The following XRCC5 variants were observed in gnomAD, a reference collection of about 807,000 sequenced individuals.
The protein encoded by XRCC5 is DNA repair protein Ku80.
In XRCC5, 12 loss-of-function variants were observed where a neutral mutation model predicts 95.7. That is an observed-to-expected ratio of 0.13 (90% CI 0.08 to 0.20). The LOEUF (loss-of-function observed/expected upper bound fraction) is 0.20, where lower values mean the gene tolerates loss of function less well. Among genes scored for constraint, XRCC5 ranks in the 10% least tolerant of loss-of-function variants. XRCC5 has a pLI of 1.00. For synonymous variants in XRCC5, 281 were observed against 290.3 expected, an observed-to-expected ratio of 0.97 and a Z score of 0.33; for missense variants, 595 against 873.9, an observed-to-expected ratio of 0.68 and a Z score of 4.02.
At position 216,204,368 on chromosome 2, in the gene XRCC5, T is replaced by C; in HGVS notation, c.2156T>C (p.Phe719Ser). ...DKPSGDTAAV[F>S]EEGGDVDDLL... ...CCAAGTGGAGACACAGCAGCTGTATTTGAAGAAGGTGGTGATGTGGACGAT... is the reference window on the plus strand; with the variant it reads ...CCAAGTGGAGACACAGCAGCTGTATCTGAAGAAGGTGGTGATGTGGACGAT... Residue 719 changes from phenylalanine (F) to serine (S), a missense_variant, in exon 20 of 21, where the codon TTT becomes TCT. Around this residue, in one of 2 missense-constraint regions of XRCC5, gnomAD observed 309 missense variants for 382.9 expected, o/e 0.81. Transcript: ENST00000392132. 1 of 1,613,978 alleles carries C rather than the reference T, an allele frequency of 6.2e-7. No individual in the cohort carries two copies.
intron 6 of XRCC5, among the ~76,000 whole-genome samples, chr2:216,123,462 C>T (rs1205328040): frequency 1.3e-5 from 2 of 152,056 alleles, no homozygotes; most frequent in East Asian, 3.9e-4. Context: ...GTTTCTCTTT[C>T]AAATTTTGGA....
intron 16 of XRCC5, among the ~76,000 whole-genome samples, chr2:216,163,581 CA>C (rs1688995256): frequency 6.6e-6 from 1 of 152,110 alleles, no homozygotes; most frequent in Non-Finnish European, 1.5e-5. Flanking sequence ...GCCACGGTGG[CA>C]TGAGCCACCG....
intron 19 of XRCC5, among the ~76,000 whole-genome samples, chr2:216,201,092 A>G (rs764885538): frequency 4.1e-4 from 63 of 152,318 alleles, no homozygotes; most frequent in Non-Finnish European, 7.5e-4. Flanking sequence ...GAAATTAGTT[A>G]TGAAAAGGTC....
chr2:216,194,723 C>T (rs1304076353), intron 18 of XRCC5, among the ~76,000 whole-genome samples, 196 bp from the exon 19 acceptor site: 1 of 152,148 alleles, frequency 6.6e-6, no homozygotes. Context: ...GTAATCCCAG[C>T]ACTTTGGGAG....
chr2:216,173,240 G>T (rs764618999), intron 16 of XRCC5, among the ~76,000 whole-genome samples: 1 of 150,960 alleles, frequency 6.6e-6, no homozygotes, highest in Non-Finnish European at 1.5e-5. Flanking sequence ...TATTGTACTG[G>T]CTGGAACTTC....
chr2:216,200,680 T>G (rs1689819498), intron 19 of XRCC5, among the ~76,000 whole-genome samples: 1 of 152,168 alleles, frequency 6.6e-6, no homozygotes, highest in Non-Finnish European at 1.5e-5. Context: ...ACCTTCCTAG[T>G]CAGAAGCCCC....
chr2:216,130,241 T>C (rs1335562810), intron 8 of XRCC5, among the ~76,000 whole-genome samples: 2 of 151,744 alleles, frequency 1.3e-5, no homozygotes, highest in East Asian at 3.9e-4. Context: ...CTGGACTTTT[T>C]TTTTTTTTTT....
chr2:216,144,543 G>T (rs1258693128), intron 13 of XRCC5, among the ~76,000 whole-genome samples: 1 of 152,156 alleles, frequency 6.6e-6, no homozygotes, highest in Admixed American at 6.5e-5. Context: ...AAAATAAAGA[G>T]GACTTGAAGA....
intron 16 of XRCC5, among the ~76,000 whole-genome samples, chr2:216,166,150 TCA>T (rs1287568836): frequency 1.5e-4 from 23 of 152,130 alleles, no homozygotes; most frequent in African/African-American, 2.4e-4. Flanking sequence ...TGAAGGGGTC[TCA>T]GTCTGTCGCC....
intron 15 of XRCC5, 60 bp downstream of exon 15, chr2:216,160,221 A>G: frequency 8.5e-7 from 1 of 1,173,088 alleles, no homozygotes; most frequent in Non-Finnish European, 1.2e-6. Flanking sequence ...CTTGAGGGAG[A>G]GTGCATCAAT....
intron 13 of XRCC5, among the ~76,000 whole-genome samples, chr2:216,144,979 T>C (rs1688596659): frequency 6.6e-6 from 1 of 152,150 alleles, no homozygotes; most frequent in South Asian, 2.1e-4. Context: ...AAATGCATCT[T>C]GGAAGGCACA....
intron 16 of XRCC5, among the ~76,000 whole-genome samples, chr2:216,184,341 C>G (rs1249695519): frequency 6.6e-6 from 1 of 152,172 alleles, no homozygotes; most frequent in Admixed American, 6.5e-5. Context: ...CAGCTTTTAT[C>G]AAATGTCTGG....
At position 216,205,478 on chromosome 2, in the gene XRCC5, C is replaced by T; in HGVS notation, c.*276C>T. ...TGGTCTTACTGATCTTTGTATATTA[C>T]ATACATGCTTTGAAGTTTCTGGAAA... On this transcript the variant is annotated 3_prime_UTR_variant, in exon 21 of 21. Transcript: ENST00000392132. The T allele has an allele frequency of 2.2e-6, 1 of 463,536 alleles. No individual in the cohort carries two copies. Among genetic ancestry groups the T allele is most frequent in the East Asian group, 3.7e-5 (1 of 27,000 alleles). The allele number at this position is 463,536 out of a possible 1,614,324, so 28.7% of individuals were successfully genotyped here. A position where few individuals can be genotyped will look rare whatever the true frequency, so the allele number is the denominator to read the frequency against.
chr2:216,194,102 TAC>T (rs1689670913), intron 18 of XRCC5, among the ~76,000 whole-genome samples: 1 of 152,222 alleles, frequency 6.6e-6, no homozygotes, highest in South Asian at 2.1e-4. Flanking sequence ...GACAAAAGCA[TAC>T]AGTCATTTAA....
chr2:216,165,490 T>G (rs1689039116), intron 16 of XRCC5, among the ~76,000 whole-genome samples: 1 of 152,242 alleles, frequency 6.6e-6, no homozygotes, highest in African/African-American at 2.4e-5. Flanking sequence ...CCTTCTGCCG[T>G]TCTTGGTGCC....
intron 1 of XRCC5, among the ~76,000 whole-genome samples, chr2:216,112,192 T>A (rs945946027): frequency 2.6e-5 from 4 of 152,246 alleles, no homozygotes; most frequent in Non-Finnish European, 4.4e-5. Context: ...ATTTTCTTAG[T>A]CTCCTACATA....
intron 9 of XRCC5, 124 bp from the exon 10 acceptor site, chr2:216,132,201 G>A (rs1030342261): frequency 3.7e-6 from 3 of 818,870 alleles, no homozygotes. Context: ...CAGGTAATAA[G>A]GTGTTTTTAG....
chr2:216,123,915 C>CAT (rs1193057913), intron 6 of XRCC5, among the ~76,000 whole-genome samples: 1 of 152,212 alleles, frequency 6.6e-6, no homozygotes, highest in East Asian at 1.9e-4. Flanking sequence ...ACTGACTATG[C>CAT]ATTGTTTTAG....
chr2:216,155,770 C>T (rs935240795), intron 14 of XRCC5, among the ~76,000 whole-genome samples: 3 of 151,976 alleles, frequency 2.0e-5, no homozygotes, highest in African/African-American at 7.3e-5. Context: ...TACTGTGTAA[C>T]TTAATAAAAA....
Sources: gnomAD v4.1 joint callset for allele counts (sites outside exome capture counted in the v4.1 genomes callset) on GRCh38, gnomAD v4.1.1 for gene constraint, gnomAD v4.1.1 regional missense constraint, MANE v1.5 for transcripts, NCBI Gene and HGNC (gene_info 2026-07-23, HGNC 2026-07-21) for gene names.